The following KIAA1217 variants were observed in gnomAD, a reference collection of about 807,000 sequenced individuals.
The protein encoded by KIAA1217 is KIAA1217.
In KIAA1217, 88 loss-of-function variants were observed where a neutral mutation model predicts 163.9. That is an observed-to-expected ratio of 0.54 (90% CI 0.45 to 0.64). The LOEUF is 0.64. KIAA1217 is among the 30% of genes least tolerant of loss of function. KIAA1217 has a pLI of 0.00. For synonymous variants in KIAA1217, 903 were observed against 923.1 expected (o/e 0.98, Z 0.39); for missense variants, 2,372 against 2,475.0 (o/e 0.96, Z 0.88).
intron 2 of KIAA1217, among the ~76,000 whole-genome samples, chr10:24,183,536 G>A (rs1421718979): frequency 6.6e-6 from 1 of 152,152 alleles, no homozygotes; most frequent in Non-Finnish European, 1.5e-5. Context: ...GCTGCGTTTT[G>A]AAAATTATGC....
At chr10:23,818,094 T>TCC (rs1837428277) in intron 1 of KIAA1217, among the ~76,000 whole-genome samples, 1 of 116,962 alleles carries the variant, frequency 8.5e-6, no homozygotes, top group South Asian at 2.5e-4. Context: ...TAGATATACA[T>TCC]ACACACACAC....
At chr10:24,421,639 G>A (rs1324888866) in intron 3 of KIAA1217, among the ~76,000 whole-genome samples, 1 of 152,096 alleles carries the variant, frequency 6.6e-6, no homozygotes, top group African/African-American at 2.4e-5. Context: ...CTAAACATAA[G>A]AACATTCTTT....
intron 2 of KIAA1217, among the ~76,000 whole-genome samples, chr10:24,152,262 G>A (rs1485521506): frequency 1.3e-5 from 2 of 152,134 alleles, no homozygotes; most frequent in African/African-American, 4.8e-5. Context: ...TACATTTGCT[G>A]TAAATGCCCA....
chr10:24,025,623 A>G (rs1175316095), intron 2 of KIAA1217, among the ~76,000 whole-genome samples: 1 of 151,712 alleles, frequency 6.6e-6, no homozygotes, highest in Non-Finnish European at 1.5e-5. Flanking sequence ...AAAACAATAA[A>G]TAGTTTTCCA....
At chr10:23,913,122 T>G (rs949432536) in intron 1 of KIAA1217, among the ~76,000 whole-genome samples, 3 of 152,144 alleles carry the variant, frequency 2.0e-5, no homozygotes, top group Non-Finnish European at 2.9e-5. Context: ...AGACAGCCTG[T>G]GAGTTTACAG....
chr10:24,271,047 C>T (rs2076726459), intron 2 of KIAA1217, among the ~76,000 whole-genome samples: 2 of 152,168 alleles, frequency 1.3e-5, no homozygotes. Context: ...GATTGAGGTT[C>T]AGTGTCATTG....
chr10:24,448,245 G>C (rs555983701), intron 5 of KIAA1217, among the ~76,000 whole-genome samples: 2 of 145,990 alleles, frequency 1.4e-5, no homozygotes, highest in Non-Finnish European at 3.0e-5. Flanking sequence ...CTTTTTTTGC[G>C]TGGGGGGGGC....
chr10:24,419,030 A>G (rs1054801288), intron 3 of KIAA1217, among the ~76,000 whole-genome samples: 1 of 152,006 alleles, frequency 6.6e-6, no homozygotes, highest in Non-Finnish European at 1.5e-5. Flanking sequence ...TACAAAAATT[A>G]GCTGAGTGTG....
intron 1 of KIAA1217, among the ~76,000 whole-genome samples, chr10:23,835,859 T>A (rs2131052064): frequency 6.6e-6 from 1 of 152,232 alleles, no homozygotes; most frequent in Non-Finnish European, 1.5e-5. Context: ...ATTTGCTATA[T>A]CTCCCTCTGT....
At chr10:23,937,586 A>G (rs1022955773) in intron 1 of KIAA1217, among the ~76,000 whole-genome samples, 2 of 152,172 alleles carry the variant, frequency 1.3e-5, no homozygotes, top group Non-Finnish European at 2.9e-5. Flanking sequence ...AAAAAGAAAA[A>G]GAAGCCAGGT....
chr10:24,328,327 A>G (rs199995055), intron 2 of KIAA1217, among the ~76,000 whole-genome samples: 3 of 152,138 alleles, frequency 2.0e-5, no homozygotes, highest in East Asian at 1.9e-4. Flanking sequence ...CAGGGGGTCA[A>G]TGAGGCATCA....
Position 23,840,187 on chromosome 10 carries a change from C to T in KIAA1217, c.-321+144953C>T, listed in dbSNP as rs535153597. 8.5e-4 allele frequency among the ~76,000 whole-genome samples: 128 copies of T among 150,056 alleles called. 2 individuals are homozygous for T. The South Asian group carries it at 0.026, about 31-fold the overall frequency. On this transcript the variant is annotated intron_variant, in intron 1 of 18. Transcript: ENST00000376462. ...TTTTTTTTTTTGAGAGGAAGTTTTG[C>T]TCTTGTTGCCTAGGCTGGAGTGCAA...
intron 1 of KIAA1217, among the ~76,000 whole-genome samples, chr10:23,798,957 G>C (rs979471482): frequency 6.6e-6 from 1 of 152,170 alleles, no homozygotes; most frequent in Non-Finnish European, 1.5e-5. Context: ...ATTTCTGGAG[G>C]CTAGAAATTC....
chr10:23,807,843 G>A lies in KIAA1217; in HGVS notation c.-321+112609G>A, dbSNP rs547990641. On this transcript the variant is annotated intron_variant, in intron 1 of 18. Transcript: ENST00000376462. ...TGGACCATGAGAGAAAGCAATAAAA[G>A]ATGTAGGCTCTAACTGCTGGCAATT... Among the ~76,000 whole-genome samples, 61 of 152,342 alleles carry A rather than the reference G, an allele frequency of 4.0e-4. 1 individual carries two copies. In the South Asian group the frequency reaches 0.012, roughly 31 times the overall value.
At chr10:24,211,579 TGTATTG>T (rs2068121515) in intron 1 of KIAA1217, among the ~76,000 whole-genome samples, 2 of 145,980 alleles carry the variant, frequency 1.4e-5, no homozygotes, top group African/African-American at 5.1e-5. Flanking sequence ...TGTATTGTAT[TGTATTG>T]TATTGTATTT....
At chr10:24,108,854 C>G (rs2062730809) in intron 2 of KIAA1217, among the ~76,000 whole-genome samples, 1 of 152,154 alleles carries the variant, frequency 6.6e-6, no homozygotes, top group Non-Finnish European at 1.5e-5. Flanking sequence ...TGTTTCGAGA[C>G]TATGTTTCAC....
At chr10:24,047,675 T>A (rs1849137503) in intron 2 of KIAA1217, among the ~76,000 whole-genome samples, 1 of 152,214 alleles carries the variant, frequency 6.6e-6, no homozygotes, top group South Asian at 2.1e-4. Flanking sequence ...AGGAGTAAAC[T>A]TACATGCATC....
At chr10:23,784,877 C>T (rs1011794050) in intron 1 of KIAA1217, among the ~76,000 whole-genome samples, 11 of 152,058 alleles carry the variant, frequency 7.2e-5, no homozygotes, top group Middle Eastern at 3.4e-3. Context: ...ACTCACAGAC[C>T]TTTTCCCCTA....
At chr10:24,262,628 GAA>G (rs1331931820) in intron 2 of KIAA1217, among the ~76,000 whole-genome samples, 9 of 70,818 alleles carry the variant, frequency 1.3e-4, no homozygotes, top group Admixed American at 3.1e-4. Flanking sequence ...CCGTCTCAAA[GAA>G]AAAAAAAAAA....
Sources: allele counts gnomAD v4.1 joint callset (sites outside exome capture counted in the v4.1 genomes callset), GRCh38; gene constraint gnomAD v4.1.1; transcripts MANE v1.5; gene names NCBI Gene and HGNC (gene_info 2026-07-23, HGNC 2026-07-21).